The following UNC80 variants were observed in gnomAD, a reference collection of about 807,000 sequenced individuals.
UNC80 encodes the protein protein unc-80 homolog.
Under a neutral mutation model 384.6 loss-of-function variants are expected in UNC80, and 164 were observed. That is an observed-to-expected ratio of 0.43 (90% CI 0.38 to 0.49). The LOEUF (loss-of-function observed/expected upper bound fraction) is 0.49, where lower values mean the gene tolerates loss of function less well. UNC80 is among the 20% of genes least tolerant of loss of function. The probability of loss-of-function intolerance (pLI) is 0.00; values close to 1 mark genes in which losing one functional copy is unlikely to be tolerated. For synonymous variants in UNC80, 1,486 were observed against 1,527.8 expected (o/e 0.97, Z 0.64); for missense variants, 3,330 against 4,143.0 (o/e 0.80, Z 5.39).
chr2:209,927,030 G>A lies in UNC80; in HGVS notation c.5806+44G>A, dbSNP rs551404602. The A allele has an allele frequency of 1.2e-5, 19 of 1,545,450 alleles. No individual in the cohort carries two copies. The African/African-American group carries it at 2.5e-4, about 20-fold the overall frequency. ...AGATCATCAGTGACATTCTTAAGCT[G>A]TTTATCTGATAGAAGACAGTAGGTT... On this transcript the variant is annotated intron_variant, in intron 36 of 64. Coordinates refer to ENST00000673920, the MANE Select transcript of UNC80 (RefSeq NM_001371986.1).
intron 4 of UNC80, among the ~76,000 whole-genome samples, chr2:209,779,715 GC>G (rs1311576724): frequency 6.6e-6 from 1 of 152,172 alleles, no homozygotes; most frequent in Non-Finnish European, 1.5e-5. Context: ...TGATCCAAGT[GC>G]TAAAAACAGC....
At chr2:209,817,572 A>G (rs1559139409) in intron 10 of UNC80, among the ~76,000 whole-genome samples, 2 of 152,076 alleles carry the variant, frequency 1.3e-5, no homozygotes, top group South Asian at 2.1e-4. Flanking sequence ...TAGCTGGGCC[A>G]CAACAGACGG....
intron 59 of UNC80, among the ~76,000 whole-genome samples, chr2:209,979,086 T>A (rs2093088844): frequency 6.6e-6 from 1 of 152,030 alleles, no homozygotes; most frequent in Non-Finnish European, 1.5e-5. Flanking sequence ...CCATCTCTAC[T>A]AAAAATACAA....
chr2:209,923,548 C>T (rs546829410), intron 35 of UNC80, among the ~76,000 whole-genome samples: 20 of 152,240 alleles, frequency 1.3e-4, no homozygotes, highest in African/African-American at 4.3e-4. Flanking sequence ...TATGGTTTTT[C>T]AGTTCTGTTC....
chr2:209,776,703 A>G (rs1275585198), intron 3 of UNC80, among the ~76,000 whole-genome samples: 1 of 152,228 alleles, frequency 6.6e-6, no homozygotes, highest in African/African-American at 2.4e-5. Flanking sequence ...TCCTAAAGCA[A>G]CCACTCTCAT....
intron 42 of UNC80, among the ~76,000 whole-genome samples, 196 bp downstream of exon 42, chr2:209,937,826 G>T (rs1020600890): frequency 6.6e-6 from 1 of 152,106 alleles, no homozygotes; most frequent in Non-Finnish European, 1.5e-5. Flanking sequence ...AAGGTAGTAA[G>T]AAACACTCAC....
At chr2:209,924,931 G>T (rs1356031247) in intron 35 of UNC80, among the ~76,000 whole-genome samples, 1 of 151,952 alleles carries the variant, frequency 6.6e-6, no homozygotes, top group Non-Finnish European at 1.5e-5. Context: ...CTTTTAGGGG[G>T]CTCCAAAACT....
rs191695219 is a variant in UNC80, at chr2:209,896,190, C to A, written c.4481-123C>A. 23 of 811,332 alleles carry A rather than the reference C, an allele frequency of 2.8e-5. No individual in the cohort carries two copies. The African/African-American group carries it at 3.4e-4, about 12-fold the overall frequency. The allele number at this position is 811,332 out of a possible 1,614,324, so 50.3% of individuals were successfully genotyped here. ...CCTCCAACAAAGTCAATGCTATGCC[C>A]TGTAACCCACTGGGCCATGGTAGTC... On this transcript the variant is annotated intron_variant, in intron 27 of 64. Transcript: ENST00000673920.
At chr2:209,818,087 T>C in intron 11 of UNC80, 135 bp downstream of exon 11, 1 of 1,120,298 alleles carries the variant, frequency 8.9e-7, no homozygotes, top group Non-Finnish European at 1.3e-6. Flanking sequence ...CTGAATTGCT[T>C]TTGTTAGCCA....
At chr2:209,888,693 G>A (rs1003539935) in intron 26 of UNC80, among the ~76,000 whole-genome samples, 2 of 151,978 alleles carry the variant, frequency 1.3e-5, no homozygotes, top group Non-Finnish European at 2.9e-5. Flanking sequence ...TCGGCCCACT[G>A]CAACTTCCGC....
intron 25 of UNC80, among the ~76,000 whole-genome samples, chr2:209,886,920 G>A (rs1559266270): frequency 1.3e-5 from 2 of 152,174 alleles, no homozygotes. Flanking sequence ...CATTGGCAAG[G>A]CTGCATCCAT....
chr2:209,820,332 C>T lies in UNC80; in HGVS notation c.1984C>T (p.Leu662Phe). ...DLSVVLKAVY[L>F]VLNHDISSRI... is the part of the protein sequence containing the mutation. ...TCAGGTAGTTCTGAAGGCTGTTTAT[C>T]TTGTCCTTAATCATGACATCAGCTC... Residue 662 changes from leucine (L) to phenylalanine (F), a missense_variant, in exon 13 of 65, where the codon CTT (leucine) becomes TTT (phenylalanine). This residue lies in a region of UNC80 where 937 missense variants were observed against 1,026.8 expected (regional missense o/e 0.91). Transcript: ENST00000673920. 1.3e-6 allele frequency: 2 copies of T among 1,546,666 alleles called. No homozygotes were observed. The highest frequency in any genetic ancestry group is 2.4e-5 in the South Asian group (2 of 82,952).
At chr2:209,903,687 G>A (rs1051816594) in intron 28 of UNC80, among the ~76,000 whole-genome samples, 2 of 131,460 alleles carry the variant, frequency 1.5e-5, no homozygotes, top group East Asian at 2.1e-4. Flanking sequence ...ATGGTTAGAG[G>A]GGGAATGTAT....
chr2:209,809,231 A>G (rs1400011054), intron 7 of UNC80: 2 of 693,890 alleles, frequency 2.9e-6, no homozygotes, highest in Non-Finnish European at 5.3e-6. Flanking sequence ...AAGGATTCCC[A>G]GTTTCAAAAA....
chr2:209,920,982 C>T (rs1052850633), intron 33 of UNC80, among the ~76,000 whole-genome samples: 2 of 152,108 alleles, frequency 1.3e-5, no homozygotes, highest in African/African-American at 4.8e-5. Flanking sequence ...CTTGCGCCAC[C>T]ACGCCCAGCT....
chr2:209,906,362 G>T (rs1235907201), intron 29 of UNC80, among the ~76,000 whole-genome samples: 1 of 152,164 alleles, frequency 6.6e-6, no homozygotes, highest in Non-Finnish European at 1.5e-5. Flanking sequence ...AAGTGTGCAA[G>T]TTCATCCTAT....
At chr2:209,818,007 T>G in intron 11 of UNC80, 55 bp downstream of exon 11, 1 of 1,540,678 alleles carries the variant, frequency 6.5e-7, no homozygotes, top group Non-Finnish European at 8.8e-7. Context: ...TTTTGTTTTC[T>G]GTCCTTACAC....
At chr2:209,883,383 C>T (rs1325829740) in intron 25 of UNC80, among the ~76,000 whole-genome samples, 2 of 150,450 alleles carry the variant, frequency 1.3e-5, no homozygotes, top group Non-Finnish European at 3.0e-5. Flanking sequence ...GTAATTCCCC[C>T]ATTTTGCCCT....
At chr2:209,787,696 G>GTTTTATAAAAGTATAGCCCA (rs1559089539) in intron 5 of UNC80, among the ~76,000 whole-genome samples, 1 of 152,024 alleles carries the variant, frequency 6.6e-6, no homozygotes, top group Non-Finnish European at 1.5e-5. Context: ...CGCGCTGCCT[G>GTTTTATAAAAGTATAGCCCA]TTTTATAAAA....
Sources: gnomAD v4.1 joint callset for allele counts (sites outside exome capture counted in the v4.1 genomes callset) on GRCh38, gnomAD v4.1.1 for gene constraint, gnomAD v4.1.1 regional missense constraint, MANE v1.5 for transcripts, NCBI Gene and HGNC (gene_info 2026-07-23, HGNC 2026-07-21) for gene names.